Variants in AP1M1 observed in about 807,000 individuals in gnomAD.
AP1M1 encodes adaptor related protein complex 1 subunit mu 1.
In AP1M1, 18 loss-of-function variants were observed where a neutral mutation model predicts 57.1. That is an observed-to-expected ratio of 0.32 (90% CI 0.22 to 0.47). The LOEUF is 0.47. Ranked by LOEUF, AP1M1 falls within the 20% of genes least tolerant of loss-of-function variation. The pLI is 1.00. For synonymous variants in AP1M1, 241 were observed against 237.9 expected (o/e 1.01, Z -0.12); for missense variants, 362 against 593.5 (o/e 0.61, Z 4.05).
chr19:16,203,693 C>A lies in AP1M1; in HGVS notation c.199+78C>A. 1.4e-6 allele frequency: 2 copies of A among 1,481,472 alleles called. No individual in the cohort carries two copies. Among genetic ancestry groups the A allele is most frequent in the South Asian group, 1.3e-5 (1 of 76,722 alleles). 91.8% of individuals were successfully genotyped at this position (1,481,472 alleles called of 1,614,324 possible). ...GTGTGCATATCCACACGCCTGCAAG[C>A]AGGGCTGGTTTGTGCACAGCGCAAG... On this transcript the variant is annotated intron_variant, in intron 2 of 11. Coordinates refer to ENST00000291439, the MANE Select transcript of AP1M1 (RefSeq NM_032493.4). This position sits in a 1 kb window ranked among gnomAD's most constrained non-coding sequence, Gnocchi z 4.6.
intron 5 of AP1M1, among the ~76,000 whole-genome samples, chr19:16,223,866 C>T (rs567322952): frequency 2.4e-4 from 36 of 152,366 alleles, no homozygotes; most frequent in African/African-American, 7.5e-4. Context: ...GCCGACCTGC[C>T]TCACCAGCCG....
chr19:16,234,691 T>C lies in AP1M1; in HGVS notation c.*256T>C. The stretch of plus-strand genomic sequence containing the variant: ...TGAAGTCAGTTTCAGGGGAAGGATG[T>C]GAAATTTTTCCGTGTAGAGGTTACA... On this transcript the variant is annotated 3_prime_UTR_variant, in exon 12 of 12. Transcript: ENST00000291439. 1 of 587,876 alleles carries C rather than the reference T, an allele frequency of 1.7e-6. No individual in the cohort carries two copies. The highest frequency in any genetic ancestry group is 2.8e-5 in the East Asian group (1 of 35,716). The allele number at this position is 587,876 out of a possible 1,614,324, so 36.4% of individuals were successfully genotyped here. A position where few individuals can be genotyped will look rare whatever the true frequency, so the allele number is the denominator to read the frequency against.
At chr19:16,232,249 G>A (rs1222928808) in intron 9 of AP1M1, among the ~76,000 whole-genome samples, 1 of 152,116 alleles carries the variant, frequency 6.6e-6, no homozygotes, top group Admixed American at 6.5e-5. Flanking sequence ...CTTCCTACCC[G>A]GGGAGCCCTT....
chr19:16,211,919 T>TG (rs1423304371), intron 5 of AP1M1, among the ~76,000 whole-genome samples: 1 of 152,222 alleles, frequency 6.6e-6, no homozygotes, highest in Admixed American at 6.5e-5. Context: ...TTGCATGTAT[T>TG]GAACCAACCT....
At chr19:16,234,382 C>T in intron 11 of AP1M1, 31 bp from the exon 12 acceptor site, 1 of 1,613,810 alleles carries the variant, frequency 6.2e-7, no homozygotes, top group East Asian at 2.2e-5. Flanking sequence ...GGGTGCAGAG[C>T]CCAGCATGAC....
intron 1 of AP1M1, among the ~76,000 whole-genome samples, chr19:16,202,595 G>A (rs2091453267): frequency 6.6e-6 from 1 of 152,168 alleles, no homozygotes; most frequent in South Asian, 2.1e-4. Flanking sequence ...CATGCAGGAT[G>A]AGCTCTCGTT....
rs1225236743 is a variant in AP1M1 at position 16,236,017 on chromosome 19, A to C, written c.*1582A>C. 2 of 152,290 alleles carry C rather than the reference A, an allele frequency of 1.3e-5. No individual in the cohort carries two copies. The highest frequency in any genetic ancestry group is 4.8e-5 in the African/African-American group (2 of 41,402). The allele number at this position is 152,290 out of a possible 1,614,324, so 9.4% of individuals were successfully genotyped here. ...CGCCCACGTAGGTCTTCCCCATCTC[A>C]GTCAATGACGCTGCCCCAGCCCAGG... On this transcript the variant is annotated 3_prime_UTR_variant, in exon 12 of 12. Transcript: ENST00000291439.
In AP1M1 at chr19:16,201,388, C is replaced by CTT. The variant is rs57467734; in HGVS notation, c.43-2044_43-2043dup. 1.6e-3 allele frequency among the ~76,000 whole-genome samples: 99 copies of CTT among 62,398 alleles called. 3 individuals carry two copies. The highest frequency in any genetic ancestry group is 2.2e-3 in the Non-Finnish European group (75 of 33,970). 40.9% of individuals were successfully genotyped at this position (62,398 alleles called of 152,430 possible). Reference sequence around the variant, plus strand: ...CAGCCAGAGCAAGCAGGGAGGATTTCTTTTTTTTTTTTTTTTTTTTTTTTT... The same window carrying CTT: ...CAGCCAGAGCAAGCAGGGAGGATTTCTTTTTTTTTTTTTTTTTTTTTTTTTTT... On this transcript the variant is annotated intron_variant, in intron 1 of 11. Transcript: ENST00000291439.
At chr19:16,218,021 C>T (rs2091526165) in intron 5 of AP1M1, among the ~76,000 whole-genome samples, 2 of 152,228 alleles carry the variant, frequency 1.3e-5, no homozygotes, top group South Asian at 4.1e-4. Context: ...TACCCTTTTT[C>T]ATGGCAATGA....
chr19:16,220,055 G>A (rs2091536950), intron 5 of AP1M1, among the ~76,000 whole-genome samples: 1 of 152,148 alleles, frequency 6.6e-6, no homozygotes, highest in African/African-American at 2.4e-5. Context: ...TTGGTATCAA[G>A]GTAATGGAGG....
intron 10 of AP1M1, 48 bp downstream of exon 10, chr19:16,233,666 C>T: frequency 6.4e-7 from 1 of 1,572,188 alleles, no homozygotes; most frequent in Non-Finnish European, 8.6e-7. Context: ...ACAGAGGCCG[C>T]AGGTGACAGA....
rs550664002 is a variant in AP1M1 at position 16,200,594 on chromosome 19, G to T, written c.42+2526G>T. 2.6e-5 allele frequency among the ~76,000 whole-genome samples: 4 copies of T among 152,254 alleles called. No individual in the cohort carries two copies. The East Asian group carries it at 7.7e-4, about 29-fold the overall frequency. On this transcript the variant is annotated intron_variant, in intron 1 of 11. Coordinates refer to ENST00000291439, the MANE Select transcript of AP1M1 (RefSeq NM_032493.4). ...ACCTCCTGTTTCCAAAGTCAGCCTCGTGAGCCGACTGCATTTAATCAACAA... is the reference window on the plus strand; with the variant it reads ...ACCTCCTGTTTCCAAAGTCAGCCTCTTGAGCCGACTGCATTTAATCAACAA...
Position 16,228,706 on chromosome 19 carries a change from C to T in AP1M1, c.889-64C>T. The T allele has an allele frequency of 6.3e-7, 1 of 1,594,902 alleles. No homozygotes were observed. The highest frequency in any genetic ancestry group is 2.2e-5 in the East Asian group (1 of 44,540). On this transcript the variant is annotated intron_variant, in intron 8 of 11. Coordinates refer to ENST00000291439, the MANE Select transcript of AP1M1 (RefSeq NM_032493.4). This position sits in a 1 kb window ranked among gnomAD's most constrained non-coding sequence, Gnocchi z 5.0. ...CGGGCCAGGCTGAGGGGCATGTGTC[C>T]TGGAGAGGCTGGCCAGCTCACCTTG...
In AP1M1 at chr19:16,236,306, A is replaced by G. The variant is rs1166755713; in HGVS notation, c.*1871A>G. 1.3e-5 allele frequency: 2 copies of G among 152,324 alleles called. No individual in the cohort carries two copies. Among genetic ancestry groups the G allele is most frequent in the Non-Finnish European group, 2.9e-5 (2 of 68,102 alleles). 9.4% of individuals were successfully genotyped at this position (152,324 alleles called of 1,614,324 possible). A position where few individuals can be genotyped will look rare whatever the true frequency, so the allele number is the denominator to read the frequency against. ...ACTTCAGTTTCCAGCAACTTATCAGATAAGACCTGCAAACCCTCCACTACA... is the reference window on the plus strand; with the variant it reads ...ACTTCAGTTTCCAGCAACTTATCAGGTAAGACCTGCAAACCCTCCACTACA... On this transcript the variant is annotated 3_prime_UTR_variant, in exon 12 of 12. Coordinates refer to ENST00000291439, the MANE Select transcript of AP1M1 (RefSeq NM_032493.4).
intron 10 of AP1M1, among the ~76,000 whole-genome samples, chr19:16,233,866 A>G (rs749543354): frequency 2.9e-4 from 43 of 150,714 alleles, no homozygotes; most frequent in African/African-American, 7.7e-4. Flanking sequence ...CTCATGCCCC[A>G]TGGGACCTCT....
At chr19:16,199,788 C>A (rs2091439871) in intron 1 of AP1M1, among the ~76,000 whole-genome samples, 1 of 152,174 alleles carries the variant, frequency 6.6e-6, no homozygotes, top group South Asian at 2.1e-4. Context: ...TGGAATGAGT[C>A]TTGCTTCCAC....
rs2091656885 is a variant in AP1M1 at position 16,244,774 on chromosome 19, G to T, written c.*10339G>T. ...GAACCCGGGAAGCGGAGCTTGCAGT[G>T]AGCCGAGATTGCGCCACTGCAGTCC... On this transcript the variant is annotated 3_prime_UTR_variant, in exon 12 of 12. Transcript: ENST00000291439. 1 of 151,932 alleles carries T rather than the reference G, an allele frequency of 6.6e-6. No individual in the cohort carries two copies. Among genetic ancestry groups the T allele is most frequent in the African/African-American group, 2.4e-5 (1 of 41,316 alleles). 9.4% of individuals were successfully genotyped at this position (151,932 alleles called of 1,614,324 possible).
In AP1M1 at chr19:16,235,898, C is replaced by A; in HGVS notation, c.*1463C>A. 6.6e-6 allele frequency: 1 copy of A among 152,566 alleles called. No individual in the cohort carries two copies. The highest frequency in any genetic ancestry group is 1.5e-5 in the Non-Finnish European group (1 of 68,162). 9.5% of individuals were successfully genotyped at this position (152,566 alleles called of 1,614,324 possible). ...GATGGCCCTGCCTGGCCAGCACCCTCTTGCCTTCATTCTCCCCCTCCCTCT... is the reference window on the plus strand; with the variant it reads ...GATGGCCCTGCCTGGCCAGCACCCTATTGCCTTCATTCTCCCCCTCCCTCT... On this transcript the variant is annotated 3_prime_UTR_variant, in exon 12 of 12. Coordinates refer to ENST00000291439, the MANE Select transcript of AP1M1 (RefSeq NM_032493.4).
chr19:16,232,053 T>C (rs1336097138), intron 9 of AP1M1, among the ~76,000 whole-genome samples: 2 of 152,264 alleles, frequency 1.3e-5, no homozygotes, highest in East Asian at 3.8e-4. Flanking sequence ...TAGCACCTGC[T>C]TCACAGAAGT....
Sources: allele counts gnomAD v4.1 joint callset (sites outside exome capture counted in the v4.1 genomes callset), GRCh38; gene constraint gnomAD v4.1.1; non-coding constraint Gnocchi (gnomAD v3.1); transcripts MANE v1.5; gene names NCBI Gene and HGNC (gene_info 2026-07-23, HGNC 2026-07-21).